The following AFG2A variants were observed in gnomAD, a reference collection of about 807,000 sequenced individuals.
AFG2A encodes AAA ATPase AFG2A, also known as ATPase family gene 2 protein homolog A.
the AFG2A span, among the ~76,000 whole-genome samples, chr4:122,953,407 G>T: frequency 6.6e-6 from 1 of 152,216 alleles, no homozygotes; most frequent in Non-Finnish European, 1.5e-5. Context: ...CACCATATAT[G>T]AAAGTGCATT....
chr4:123,133,116 TAGC>T, the AFG2A span, among the ~76,000 whole-genome samples: 1 of 152,094 alleles, frequency 6.6e-6, no homozygotes, highest in African/African-American at 2.4e-5. Flanking sequence ...CCAACCTAAA[TAGC>T]AGGCAGAGAG....
the AFG2A span, among the ~76,000 whole-genome samples, chr4:123,173,340 G>GTTTTTTTTTTT: frequency 9.2e-4 from 65 of 70,302 alleles, 4 homozygotes; most frequent in African/African-American, 1.1e-3. Context: ...AAGTCCAATG[G>GTTTTTTTTTTT]TTTTTTTTTT....
chr4:123,314,979 C>A, the AFG2A span: 1 of 151,966 alleles, frequency 6.6e-6, no homozygotes, highest in Non-Finnish European at 1.5e-5. Context: ...CGGTCTCGAA[C>A]TGCTGGCCTC....
chr4:123,204,071 C>G, the AFG2A span, among the ~76,000 whole-genome samples: 2 of 152,188 alleles, frequency 1.3e-5, no homozygotes, highest in Non-Finnish European at 2.9e-5. Flanking sequence ...TGCTAACTTT[C>G]TTCTGCCTCC....
chr4:122,947,238 A>C, the AFG2A span: 7 of 1,578,722 alleles, frequency 4.4e-6, no homozygotes, highest in Non-Finnish European at 6.0e-6. Flanking sequence ...GTTAGGAAGT[A>C]AGTGAAGGAC....
the AFG2A span, among the ~76,000 whole-genome samples, chr4:123,007,754 A>C: frequency 6.6e-6 from 1 of 151,386 alleles, no homozygotes; most frequent in Non-Finnish European, 1.5e-5. Flanking sequence ...AACTGTAGCC[A>C]CTTTGACTTT....
the AFG2A span, among the ~76,000 whole-genome samples, chr4:122,952,260 A>G: frequency 1.3e-5 from 2 of 152,164 alleles, 1 homozygote; most frequent in South Asian, 4.1e-4. Context: ...GCCTCACCCA[A>G]ACCCCTCAAG....
At chr4:123,285,732 A>T in the AFG2A span, among the ~76,000 whole-genome samples, 2 of 152,172 alleles carry the variant, frequency 1.3e-5, no homozygotes, top group South Asian at 2.1e-4. Flanking sequence ...CCAGAGTCAG[A>T]CAGATATGGA....
chr4:123,309,703 A>G, the AFG2A span, among the ~76,000 whole-genome samples: 1 of 152,218 alleles, frequency 6.6e-6, no homozygotes, highest in Non-Finnish European at 1.5e-5. Context: ...GAGTACCAAC[A>G]TAACACACAA....
the AFG2A span, among the ~76,000 whole-genome samples, chr4:123,158,813 C>T: frequency 1.2e-4 from 19 of 152,154 alleles, no homozygotes; most frequent in Admixed American, 1.2e-3. Flanking sequence ...ACGGTCCCAT[C>T]ATTTGCAATT....
the AFG2A span, among the ~76,000 whole-genome samples, chr4:123,013,722 C>T: frequency 6.6e-6 from 1 of 152,174 alleles, no homozygotes; most frequent in Non-Finnish European, 1.5e-5. Context: ...CCATCTTAAC[C>T]TCCTACCAGC....
chr4:123,197,138 G>A, the AFG2A span, among the ~76,000 whole-genome samples: 2 of 152,160 alleles, frequency 1.3e-5, no homozygotes, highest in Non-Finnish European at 2.9e-5. Flanking sequence ...TAAGTTTACG[G>A]TAAGGAGCCA....
At chr4:122,955,789 A>T in the AFG2A span, among the ~76,000 whole-genome samples, 1 of 152,240 alleles carries the variant, frequency 6.6e-6, no homozygotes, top group Admixed American at 6.5e-5. Flanking sequence ...TATGTAGACT[A>T]TCAAGGCAAA....
the AFG2A span, among the ~76,000 whole-genome samples, chr4:123,111,482 A>C: frequency 6.6e-6 from 1 of 152,196 alleles, no homozygotes; most frequent in Non-Finnish European, 1.5e-5. Flanking sequence ...CCTATGAAAA[A>C]GAGCTTGTTT....
At chr4:123,201,521 A>G in the AFG2A span, among the ~76,000 whole-genome samples, 40 of 152,346 alleles carry the variant, frequency 2.6e-4, 1 homozygote, top group East Asian at 6.4e-3. Flanking sequence ...AGAGTGACAT[A>G]CTTTGCTGAG....
chr4:122,981,327 T>C, the AFG2A span, among the ~76,000 whole-genome samples: 2 of 146,416 alleles, frequency 1.4e-5, no homozygotes, highest in East Asian at 2.0e-4. Context: ...ATCAATTGAC[T>C]GTACATGCGT....
At chr4:123,110,288 A>G in the AFG2A span, among the ~76,000 whole-genome samples, 2,078 of 152,276 alleles carry the variant, frequency 0.014, 56 homozygotes, top group African/African-American at 0.048. Flanking sequence ...TGCCCTGCTT[A>G]CATAGTTGCA....
chr4:123,225,556 T>C, the AFG2A span, among the ~76,000 whole-genome samples: 1 of 152,218 alleles, frequency 6.6e-6, no homozygotes, highest in Non-Finnish European at 1.5e-5. Flanking sequence ...CTCTGTTCTG[T>C]TCCATTGGTC....
the AFG2A span, chr4:122,927,646 T>C: frequency 1.2e-6 from 2 of 1,608,740 alleles, no homozygotes; most frequent in East Asian, 4.5e-5. Context: ...GATGACAAAA[T>C]TCCTAAAACA....
Sources: allele counts gnomAD v4.1 joint callset (sites outside exome capture counted in the v4.1 genomes callset), GRCh38; gene constraint gnomAD v4.1.1; transcripts MANE v1.5; gene names NCBI Gene and HGNC (gene_info 2026-07-23, HGNC 2026-07-21).